KAT2B: variants seen among roughly 807,000 people sequenced by gnomAD.
KAT2B encodes histone acetyltransferase KAT2B.
In KAT2B, 36 loss-of-function variants were observed where a neutral mutation model predicts 105.9. The ratio of observed to expected loss-of-function variants is 0.34; its 90% confidence interval spans 0.26 to 0.45. The LOEUF is 0.45. KAT2B is among the 20% of genes least tolerant of loss of function. The pLI, the probability that KAT2B is intolerant of heterozygous loss-of-function variation, is 1.00. For missense variants in KAT2B, 820 were observed against 1,021.6 expected, an observed-to-expected ratio of 0.80 and a Z score of 2.69; for synonymous variants, 397 against 377.9, an observed-to-expected ratio of 1.05 and a Z score of -0.59.
At position 20,119,686 on chromosome 3, in the gene KAT2B, T is replaced by C. The variant is rs1422629485; in HGVS notation, c.1239T>C (p.Pro413=). The change falls in exon 8 of 18, where the codon CCT becomes CCC. Residue 413 remains proline, a synonymous_variant. Coordinates refer to ENST00000263754, the MANE Select transcript of KAT2B (RefSeq NM_003884.5). ...LEQPNAGSSS[P]ACKASSGLEA... ...AGCCAAACGCAGGGAGCAGCAGTCC[T>C]GCCTGCAAAGCCTCTTCTGGACTTG... 1.2e-6 allele frequency: 2 copies of C among 1,614,014 alleles called. No individual in the cohort carries two copies. Among genetic ancestry groups the C allele is most frequent in the African/African-American group, 1.3e-5 (1 of 74,938 alleles).
intron 14 of KAT2B, among the ~76,000 whole-genome samples, chr3:20,147,730 G>A (rs1474787094): frequency 3.3e-5 from 5 of 152,186 alleles, no homozygotes; most frequent in Middle Eastern, 3.2e-3. Flanking sequence ...CCACTGAAAG[G>A]TTGGTGTTCC....
intron 2 of KAT2B, among the ~76,000 whole-genome samples, chr3:20,078,877 CTTTTT>C (rs200121446): frequency 7.5e-6 from 1 of 133,754 alleles, no homozygotes; most frequent in Admixed American, 7.6e-5. Flanking sequence ...ACTCCCAGAG[CTTTTT>C]TTTTTTTTTT....
In KAT2B at chr3:20,146,449, T is replaced by C. The variant is rs756787213; in HGVS notation, c.2119+19T>C. ...GGAATTAGTACGTATAGACCTTCTT[T>C]TAAAAGCGAAATTTTTTAGTAATGC... On this transcript the variant is annotated intron_variant, in intron 14 of 17. Coordinates refer to ENST00000263754, the MANE Select transcript of KAT2B (RefSeq NM_003884.5). 60 of 1,445,990 alleles carry C rather than the reference T, an allele frequency of 4.1e-5. No homozygotes were observed. The Middle Eastern group carries it at 4.3e-3, about 103-fold the overall frequency. The allele number at this position is 1,445,990 out of a possible 1,614,324, so 89.6% of individuals were successfully genotyped here.
At chr3:20,110,062 A>G (rs1390587598) in intron 5 of KAT2B, among the ~76,000 whole-genome samples, 1 of 152,214 alleles carries the variant, frequency 6.6e-6, no homozygotes, top group Admixed American at 6.5e-5. Context: ...AGCATGAATA[A>G]ATTAATATTA....
At chr3:20,122,457 A>G (rs1024106813) in intron 8 of KAT2B, among the ~76,000 whole-genome samples, 7 of 152,174 alleles carry the variant, frequency 4.6e-5, no homozygotes, top group Non-Finnish European at 1.0e-4. Context: ...TCATCATAGA[A>G]AGTAGAAAAT....
intron 13 of KAT2B, among the ~76,000 whole-genome samples, chr3:20,143,268 T>C (rs1699725025): frequency 6.6e-6 from 1 of 152,118 alleles, no homozygotes; most frequent in Non-Finnish European, 1.5e-5. Flanking sequence ...GGAGGTGAAG[T>C]TAATACACTA....
At chr3:20,058,104 C>G (rs1216155522) in intron 1 of KAT2B, among the ~76,000 whole-genome samples, 4 of 152,142 alleles carry the variant, frequency 2.6e-5, no homozygotes, top group Admixed American at 2.6e-4. Flanking sequence ...GCCTTGACCA[C>G]TCTTTAATAT....
At chr3:20,097,222 C>T (rs1326596965) in intron 3 of KAT2B, among the ~76,000 whole-genome samples, 1 of 152,198 alleles carries the variant, frequency 6.6e-6, no homozygotes, top group Non-Finnish European at 1.5e-5. Flanking sequence ...GGCAGCTCCC[C>T]ACTACCCTGT....
At chr3:20,138,200 T>A (rs1699635869) in intron 12 of KAT2B, among the ~76,000 whole-genome samples, 1 of 152,188 alleles carries the variant, frequency 6.6e-6, no homozygotes, top group Non-Finnish European at 1.5e-5. Context: ...ATGCTTTGAT[T>A]TTTTTATTTT....
chr3:20,086,449 A>C (rs769655840), intron 2 of KAT2B, among the ~76,000 whole-genome samples: 16 of 152,058 alleles, frequency 1.1e-4, no homozygotes, highest in Non-Finnish European at 2.2e-4. Context: ...AAATACAAAA[A>C]AATTAGCCAG....
rs2125191902 is a variant in KAT2B at position 20,140,356 on chromosome 3, C to T, written c.1996C>T (p.Gln666Ter). 1.9e-6 allele frequency: 3 copies of T among 1,613,660 alleles called. No homozygotes were observed. The highest frequency in any genetic ancestry group is 2.5e-6 in the Non-Finnish European group (3 of 1,179,926). ...YTEFSVIIKK[Q>*]KEIIKKLIER... The stretch of plus-strand genomic sequence containing the variant: ...AGAATTTTCTGTCATCATTAAAAAG[C>T]AGAAGGAGGTAAGCAGGTGGTTGAC... The change falls in exon 13 of 18, where the codon CAG (glutamine) becomes TAG (stop). Residue 666 changes from glutamine to a stop codon, truncating the protein, a stop_gained. Transcript: ENST00000263754. LOFTEE classifies it high-confidence loss of function.
chr3:20,097,541 A>AT, intron 3 of KAT2B, among the ~76,000 whole-genome samples: 1 of 151,926 alleles, frequency 6.6e-6, no homozygotes, highest in Non-Finnish European at 1.5e-5. Context: ...TTTTTTTTTA[A>AT]TTTTAACTTT....
At chr3:20,128,316 C>T (rs970382073) in intron 11 of KAT2B, among the ~76,000 whole-genome samples, 1 of 152,186 alleles carries the variant, frequency 6.6e-6, no homozygotes, top group Non-Finnish European at 1.5e-5. Flanking sequence ...ATGATTTAGG[C>T]AGCTTACACT....
At chr3:20,120,530 C>T (rs1281822326) in intron 8 of KAT2B, among the ~76,000 whole-genome samples, 2 of 152,250 alleles carry the variant, frequency 1.3e-5, no homozygotes, top group South Asian at 4.1e-4. Context: ...ACCCTGCTGA[C>T]TTCTGCCTCA....
Position 20,119,579 on chromosome 3 carries a change from T to C in KAT2B, c.1151-19T>C. 6.2e-7 allele frequency: 1 copy of C among 1,613,686 alleles called. No individual in the cohort carries two copies. The highest frequency in any genetic ancestry group is 8.5e-7 in the Non-Finnish European group (1 of 1,179,692). On this transcript the variant is annotated intron_variant, in intron 7 of 17. Transcript: ENST00000263754. ...AGGAGTCAGTCATCTAACACCTTCT[T>C]CTCCTTTTGCCGGGGCAGTTATCAA...
chr3:20,122,853 C>T lies in KAT2B; in HGVS notation c.1413+49C>T, dbSNP rs1254294838. On this transcript the variant is annotated intron_variant, in intron 9 of 17. Coordinates refer to ENST00000263754, the MANE Select transcript of KAT2B (RefSeq NM_003884.5). ...CCAGCTGGTAGACCTCTTCTGCTCT[C>T]CTGGCCACTCCAGCTGTCAGAAGTG... 3 of 1,557,342 alleles carry T rather than the reference C, an allele frequency of 1.9e-6. No homozygotes were observed. The African/African-American group carries it at 4.1e-5, about 21-fold the overall frequency.
intron 1 of KAT2B, among the ~76,000 whole-genome samples, chr3:20,059,923 A>G (rs977169274): frequency 1.3e-5 from 2 of 152,044 alleles, no homozygotes; most frequent in African/African-American, 2.4e-5. Context: ...GATGACCACT[A>G]ATCTTTCTGT....
At chr3:20,063,982 C>G (rs1698183419) in intron 1 of KAT2B, among the ~76,000 whole-genome samples, 1 of 152,154 alleles carries the variant, frequency 6.6e-6, no homozygotes. Context: ...ACTGTCCTTT[C>G]TCTATTGAAT....
At chr3:20,122,306 G>A (rs542423766) in intron 8 of KAT2B, among the ~76,000 whole-genome samples, 12 of 152,264 alleles carry the variant, frequency 7.9e-5, no homozygotes, top group East Asian at 3.9e-4. Flanking sequence ...CCATTTTGAC[G>A]TTTTGGTGTC....
Sources: allele counts gnomAD v4.1 joint callset (sites outside exome capture counted in the v4.1 genomes callset), GRCh38; gene constraint gnomAD v4.1.1; transcripts MANE v1.5; gene names NCBI Gene and HGNC (gene_info 2026-07-23, HGNC 2026-07-21).